Variants in UEVLD observed in about 807,000 individuals in gnomAD.
The protein encoded by UEVLD is UEV and lactate/malate dehyrogenase domains.
In UEVLD, 47 loss-of-function variants were observed where a neutral mutation model predicts 58.6. The observed-to-expected ratio is 0.80, with a 90% confidence interval of 0.63 to 1.02. The LOEUF (loss-of-function observed/expected upper bound fraction) is 1.02, where lower values mean the gene tolerates loss of function less well. Ranked by LOEUF, UEVLD falls within the 50% of genes least tolerant of loss-of-function variation. The probability of loss-of-function intolerance (pLI) is 0.00; values close to 1 mark genes in which losing one functional copy is unlikely to be tolerated. For missense variants in UEVLD, 510 were observed against 550.6 expected (o/e 0.93, Z 0.74); for synonymous variants, 197 against 195.3 (o/e 1.01, Z -0.07).
At chr11:18,567,623 G>A (rs1303042682) in intron 4 of UEVLD, among the ~76,000 whole-genome samples, 1 of 152,148 alleles carries the variant, frequency 6.6e-6, no homozygotes, top group Non-Finnish European at 1.5e-5. Flanking sequence ...ACAAAACAAG[G>A]TAAAACAAAA....
At chr11:18,569,499 C>G (rs959430698) in intron 4 of UEVLD, among the ~76,000 whole-genome samples, 2 of 152,072 alleles carry the variant, frequency 1.3e-5, no homozygotes, top group African/African-American at 4.8e-5. Context: ...TTTATCATTA[C>G]GGAAGTATCA....
intron 9 of UEVLD, among the ~76,000 whole-genome samples, chr11:18,542,233 CA>C (rs1851086485): frequency 2.0e-5 from 3 of 152,022 alleles, no homozygotes; most frequent in Admixed American, 6.6e-5. Flanking sequence ...GGGGAAGAGG[CA>C]AACTAACCAT....
chr11:18,580,196 TAAC>T (rs1853164409), intron 1 of UEVLD, among the ~76,000 whole-genome samples: 1 of 151,966 alleles, frequency 6.6e-6, no homozygotes, highest in Non-Finnish European at 1.5e-5. Flanking sequence ...AAGGAGAAAA[TAAC>T]AAGTGTTGGA....
intron 5 of UEVLD, 86 bp downstream of exon 5, chr11:18,566,261 A>C (rs1852291005): frequency 6.4e-7 from 1 of 1,556,920 alleles, no homozygotes; most frequent in East Asian, 2.2e-5. Context: ...TTATTTATAA[A>C]AATCAAGTGG....
Position 18,566,408 on chromosome 11 carries a change from T to C in UEVLD, c.432A>G (p.Leu144=), listed in dbSNP as rs368328758. The C allele has an allele frequency of 1.4e-5, 23 of 1,614,170 alleles. No individual in the cohort carries two copies. The highest frequency in any genetic ancestry group is 3.3e-5 in the Admixed American group (2 of 60,008). The change falls in exon 5 of 12, where the codon CTA becomes CTG. Residue 144 remains leucine, a synonymous_variant. Transcript: ENST00000396197. ...KFQEELPMYS[L]SSSDEARQVD... The stretch of plus-strand genomic sequence containing the variant: ...CCTGCCGTGCCTCATCAGATGATGA[T>C]AGAGAATACATGGGAAGTTCCTCTT...
intron 7 of UEVLD, among the ~76,000 whole-genome samples, chr11:18,553,368 T>C (rs1288351535): frequency 6.6e-6 from 1 of 151,664 alleles, no homozygotes; most frequent in Non-Finnish European, 1.5e-5. Context: ...CAGTCACTCA[T>C]ATGATGGAAT....
chr11:18,588,097 G>A (rs1236667400), intron 1 of UEVLD, among the ~76,000 whole-genome samples: 1 of 152,134 alleles, frequency 6.6e-6, no homozygotes, highest in East Asian at 1.9e-4. Context: ...GTGGCTAGAG[G>A]AAGGGAATAC....
chr11:18,550,478 G>A (rs1406533031), intron 7 of UEVLD, among the ~76,000 whole-genome samples: 1 of 152,076 alleles, frequency 6.6e-6, no homozygotes, highest in Non-Finnish European at 1.5e-5. Flanking sequence ...GGGGGAACAG[G>A]GATTATTTGT....
chr11:18,565,054 G>T, intron 5 of UEVLD, 44 bp from the exon 6 acceptor site: 2 of 1,449,324 alleles, frequency 1.4e-6, no homozygotes, highest in Non-Finnish European at 1.9e-6. Context: ...AAAATATCAA[G>T]AATTTTTTTA....
chr11:18,558,240 C>T lies in UEVLD; in HGVS notation c.703G>A (p.Glu235Lys). ...DLEIFNLPNVEISKDLSASAH... is the reference protein window; with the variant it reads ...DLEIFNLPNVKISKDLSASAH... The stretch of plus-strand genomic sequence containing the variant: ...AGAATAAACAGACCTTTGCTGATCT[C>T]CACATTAGGAAGGTTGAAGATTTCA... Residue 235 changes from glutamate (E) to lysine (K), a missense_variant, in exon 7 of 12, where the codon GAG becomes AAG. By Grantham distance (56) the Glu-to-Lys change is moderately conservative. Coordinates refer to ENST00000396197, the MANE Select transcript of UEVLD (RefSeq NM_001040697.4). The T allele has an allele frequency of 6.2e-7, 1 of 1,612,060 alleles. No individual in the cohort carries two copies. The highest frequency in any genetic ancestry group is 8.5e-7 in the Non-Finnish European group (1 of 1,179,096).
At position 18,547,042 on chromosome 11, in the gene UEVLD, C is replaced by A; in HGVS notation, c.724G>T (p.Ala242Ser). The A allele has an allele frequency of 1.9e-6, 3 of 1,610,544 alleles. No individual in the cohort carries two copies. Among genetic ancestry groups the A allele is most frequent in the Non-Finnish European group, 2.5e-6 (3 of 1,179,228 alleles). The stretch of plus-strand genomic sequence containing the variant: ...ATCACCACCTTGGAATGAGCAGAGG[C>A]AGACAAATCTAGTGAATGAAAAGAA... The part of the protein sequence containing the change: ...PNVEISKDLS[A>S]SAHSKVVIFT... Residue 242 changes from alanine to serine, a missense_variant, in exon 8 of 12, where the codon GCC becomes TCC. Transcript: ENST00000396197.
chr11:18,579,466 CCT>C, intron 1 of UEVLD: 1 of 985,346 alleles, frequency 1.0e-6, no homozygotes, highest in Non-Finnish European at 1.2e-6. Context: ...ATGGATCACC[CCT>C]CTCACCACTA....
intron 8 of UEVLD, among the ~76,000 whole-genome samples, 194 bp from the exon 9 acceptor site, chr11:18,544,990 A>G (rs1395662281): frequency 7.2e-6 from 1 of 139,588 alleles, no homozygotes; most frequent in Non-Finnish European, 1.5e-5. Context: ...ACATACATAC[A>G]CACATATATA....
chr11:18,562,883 A>C (rs1375929425), intron 6 of UEVLD, among the ~76,000 whole-genome samples: 1 of 151,670 alleles, frequency 6.6e-6, no homozygotes, highest in Non-Finnish European at 1.5e-5. Flanking sequence ...CTATCTCTAC[A>C]AAAAAACTAA....
intron 2 of UEVLD, among the ~76,000 whole-genome samples, chr11:18,577,901 G>T (rs907863160): frequency 4.7e-5 from 7 of 147,668 alleles, no homozygotes; most frequent in Non-Finnish European, 7.5e-5. Context: ...GAAAGATTAA[G>T]ATAATAAAGT....
At chr11:18,562,028 C>T (rs942943744) in intron 6 of UEVLD, among the ~76,000 whole-genome samples, 1 of 152,102 alleles carries the variant, frequency 6.6e-6, no homozygotes, top group African/African-American at 2.4e-5. Flanking sequence ...CTGTTGCAGT[C>T]ATAATAGTGG....
chr11:18,582,169 T>C lies in UEVLD; in HGVS notation c.43-3361A>G, dbSNP rs184468900. On this transcript the variant is annotated intron_variant, in intron 1 of 11. Transcript: ENST00000396197. ...ACTATTTTTTACATCCGTAAAATCA[T>C]TGGAGAACATGATTATTAATAGCTA... is the stretch of plus-strand genomic sequence containing the variant. 7.2e-4 allele frequency among the ~76,000 whole-genome samples: 109 copies of C among 152,312 alleles called. 1 individual carries two copies. Among genetic ancestry groups the C allele is most frequent in the Admixed American group, 6.1e-3 (94 of 15,296 alleles).
At chr11:18,588,559 G>C (rs964144342) in intron 1 of UEVLD, 54 bp downstream of exon 1, 70 of 1,594,224 alleles carry the variant, frequency 4.4e-5, no homozygotes, top group Non-Finnish European at 5.9e-5. Flanking sequence ...CAAAGGCAGA[G>C]GCACCCCCCG....
At chr11:18,578,870 T>C in intron 1 of UEVLD, 62 bp from the exon 2 acceptor site, 3 of 1,288,984 alleles carry the variant, frequency 2.3e-6, no homozygotes, top group Non-Finnish European at 3.2e-6. Flanking sequence ...ACAATTGCAG[T>C]TAACTTTTTT....
Sources: gnomAD v4.1 joint callset for allele counts (sites outside exome capture counted in the v4.1 genomes callset) on GRCh38, gnomAD v4.1.1 for gene constraint, MANE v1.5 for transcripts, NCBI Gene and HGNC (gene_info 2026-07-23, HGNC 2026-07-21) for gene names.